The following CPT2 variants were observed in gnomAD, a reference collection of about 807,000 sequenced individuals.
CPT2 encodes carnitine palmitoyltransferase 2, also known as carnitine O-palmitoyltransferase 2, mitochondrial.
Under a neutral mutation model 48.6 loss-of-function variants are expected in CPT2, and 37 were observed. The ratio of observed to expected loss-of-function variants is 0.76; its 90% CI spans 0.59 to 1.00. The LOEUF (loss-of-function observed/expected upper bound fraction) is 1.00. Ranked by LOEUF, CPT2 falls within the 50% of genes least tolerant of loss-of-function variation. The pLI is 0.00. For missense variants in CPT2, 772 were observed against 825.6 expected, an observed-to-expected ratio of 0.94 and a Z score of 0.80; for synonymous variants, 319 against 326.9, an observed-to-expected ratio of 0.98 and a Z score of 0.26.
chr1:53,197,259 A>G lies in CPT2; in HGVS notation c.152+164A>G, dbSNP rs3766761. 3.2e-4 allele frequency: 275 copies of G among 857,082 alleles called. 1 individual carries two copies. The East Asian group carries it at 5.8e-3, about 18-fold the overall frequency. 53.1% of individuals were successfully genotyped at this position (857,082 alleles called of 1,614,324 possible). On this transcript the variant is annotated intron_variant, in intron 1 of 4. Transcript: ENST00000371486. ...TCTGGAAGTCTTGGGACTTTTCACAATCTCCTAGCACAGGAACCTCAGAAC... is the reference window on the plus strand; with the variant it reads ...TCTGGAAGTCTTGGGACTTTTCACAGTCTCCTAGCACAGGAACCTCAGAAC...
In CPT2 at chr1:53,213,312, C is replaced by T; in HGVS notation, c.1694C>T (p.Ala565Val). 1.2e-6 allele frequency: 2 copies of T among 1,614,212 alleles called. No individual in the cohort carries two copies. The highest frequency in any genetic ancestry group is 1.7e-6 in the Non-Finnish European group (2 of 1,180,044). The change falls in exon 5 of 5, where the codon GCC (alanine) becomes GTC (valine). Residue 565 changes from alanine (A) to valine (V), a missense_variant. Transcript: ENST00000371486. ...TTTGCTCTGCGGCATCTGGCAGCAG[C>T]CAAAGGGATCATCTTGCCTGAGCTC... ...HLFALRHLAA[A>V]KGIILPELYL...
intron 4 of CPT2, chr1:53,212,756 A>G (rs1045255399): frequency 4.9e-6 from 2 of 410,704 alleles, no homozygotes; most frequent in African/African-American, 2.1e-5. Context: ...AAGACATTCT[A>G]ATCTTCTCTT....
chr1:53,208,203 A>G (rs1453883927), intron 3 of CPT2: 1 of 152,232 alleles, frequency 6.6e-6, no homozygotes, highest in Non-Finnish European at 1.5e-5. Flanking sequence ...CTCCTTCACC[A>G]GAGTTTTTCA....
At chr1:53,212,779 A>G (rs916955193) in intron 4 of CPT2, 1 of 411,668 alleles carries the variant, frequency 2.4e-6, no homozygotes, top group Non-Finnish European at 4.3e-6. Flanking sequence ...TCCATTTTAT[A>G]GGGAGAAAAC....
rs1645414982 is a variant in CPT2 at position 53,210,381 on chromosome 1, C to T, written c.707C>T (p.Thr236Ile). 1.2e-6 allele frequency: 2 copies of T among 1,614,018 alleles called. No homozygotes were observed. Among genetic ancestry groups the T allele is most frequent in the Non-Finnish European group, 1.7e-6 (2 of 1,180,042 alleles). ...LPKPSRDELF[T>I]DDKARHLLVL... ...AAACCCAGTCGGGATGAACTCTTCA[C>T]TGATGACAAGGCCAGACACCTCCTG... Residue 236 changes from threonine (T) to isoleucine (I), a missense_variant, in exon 4 of 5, where the codon ACT (threonine) becomes ATT (isoleucine). By Grantham distance (89) the Thr-to-Ile change is moderately conservative. Coordinates refer to ENST00000371486, the MANE Select transcript of CPT2 (RefSeq NM_000098.3).
At chr1:53,212,745 C>CA in intron 4 of CPT2, 1 of 409,436 alleles carries the variant, frequency 2.4e-6, no homozygotes, top group Non-Finnish European at 4.3e-6. Context: ...AAGGGACCTC[C>CA]AAGACATTCT....
At chr1:53,200,577 T>A in intron 1 of CPT2, 142 bp from the exon 2 acceptor site, 1 of 736,798 alleles carries the variant, frequency 1.4e-6, no homozygotes, top group Non-Finnish European at 2.5e-6. Context: ...AGTAAACCCA[T>A]TGATTCTGAT....
At position 53,210,510 on chromosome 1, in the gene CPT2, A is replaced by ACAG; in HGVS notation, c.841_843dup (p.Ser281dup). 6.2e-7 allele frequency: 1 copy of ACAG among 1,614,092 alleles called. No homozygotes were observed. The highest frequency in any genetic ancestry group is 1.1e-5 in the South Asian group (1 of 91,084). ...GCACATCTGAAGTACATTCTCTCAG[A>ACAG]CAGCAGCCCCGCCCCCGAGTTTCCC... On this transcript the variant is annotated inframe_insertion, in exon 4 of 5. Coordinates refer to ENST00000371486, the MANE Select transcript of CPT2 (RefSeq NM_000098.3).
Position 53,213,748 on chromosome 1 carries a change from G to A in CPT2, c.*153G>A. 1.5e-6 allele frequency: 1 copy of A among 675,836 alleles called. No homozygotes were observed. Among genetic ancestry groups the A allele is most frequent in the South Asian group, 1.7e-5 (1 of 58,976 alleles). The allele number at this position is 675,836 out of a possible 1,614,324, so 41.9% of individuals were successfully genotyped here. On this transcript the variant is annotated 3_prime_UTR_variant, in exon 5 of 5. Transcript: ENST00000371486. ...GTTTGAGACCAACCTGGCCAACATG[G>A]TGAAACCTTGTCTCTACTAAAAATA...
Position 53,196,890 on chromosome 1 carries a change from A to G in CPT2, c.-54A>G. 6.5e-7 allele frequency: 1 copy of G among 1,527,564 alleles called. No homozygotes were observed. The highest frequency in any genetic ancestry group is 8.7e-7 in the Non-Finnish European group (1 of 1,143,794). The allele number at this position is 1,527,564 out of a possible 1,614,324, so 94.6% of individuals were successfully genotyped here. Reference sequence around the variant, plus strand: ...TAACGGCGGCGGCGGCCTTGTGTTTAGACTCCAGAACTCCCCACTTGCCGC... The same window carrying G: ...TAACGGCGGCGGCGGCCTTGTGTTTGGACTCCAGAACTCCCCACTTGCCGC... On this transcript the variant is annotated 5_prime_UTR_variant, in exon 1 of 5. Coordinates refer to ENST00000371486, the MANE Select transcript of CPT2 (RefSeq NM_000098.3).
chr1:53,212,240 T>C (rs550452711), intron 4 of CPT2, among the ~76,000 whole-genome samples: 3 of 152,024 alleles, frequency 2.0e-5, no homozygotes, highest in Admixed American at 1.3e-4. Flanking sequence ...AATTTTTATA[T>C]TTTCAATAGA....
At chr1:53,201,078 G>C in intron 2 of CPT2, 1 of 468,328 alleles carries the variant, frequency 2.1e-6, no homozygotes, top group Middle Eastern at 6.3e-4. Flanking sequence ...AGGCTCGCTG[G>C]TCCTGGTCAT....
In CPT2 at chr1:53,210,368, G is replaced by A. The variant is rs934539178; in HGVS notation, c.694G>A (p.Asp232Asn). ...AACTCGTTTACCCAAACCCAGTCGG[G>A]ATGAACTCTTCACTGATGACAAGGC... is the stretch of plus-strand genomic sequence containing the variant. ...NSTRLPKPSR[D>N]ELFTDDKARH... The change falls in exon 4 of 5, where the codon GAT becomes AAT. Residue 232 changes from aspartate to asparagine, a missense_variant. Physicochemically the swap from Asp to Asn is conservative, Grantham distance 23. Coordinates refer to ENST00000371486, the MANE Select transcript of CPT2 (RefSeq NM_000098.3). The A allele has an allele frequency of 6.2e-7, 1 of 1,613,942 alleles. No homozygotes were observed. Among genetic ancestry groups the A allele is most frequent in the Non-Finnish European group, 8.5e-7 (1 of 1,180,052 alleles).
rs2100254803 is a variant in CPT2, at chr1:53,197,003, C to T, written c.60C>T (p.Ala20=). ...WPRGPAVGPG[A]PSRPLSAGSG... is the part of the protein sequence containing the mutation. ...GGGGCCCCGCGGTTGGTCCGGGAGC[C>T]CCCAGTCGGCCCCTCAGCGCCGGCT... Residue 20 remains alanine, a synonymous_variant, in exon 1 of 5, where the codon GCC becomes GCT. Coordinates refer to ENST00000371486, the MANE Select transcript of CPT2 (RefSeq NM_000098.3). The T allele has an allele frequency of 1.3e-6, 2 of 1,532,884 alleles. No individual in the cohort carries two copies. The highest frequency in any genetic ancestry group is 2.5e-5 in the East Asian group (1 of 40,308). 95.0% of individuals were successfully genotyped at this position (1,532,884 alleles called of 1,614,324 possible).
chr1:53,211,297 G>C lies in CPT2; in HGVS notation c.1623G>C (p.Gln541His). 6.2e-7 allele frequency: 1 copy of C among 1,608,244 alleles called. No individual in the cohort carries two copies. Among genetic ancestry groups the C allele is most frequent in the Non-Finnish European group, 8.5e-7 (1 of 1,177,346 alleles). Residue 541 changes from glutamine to histidine, a missense_variant, in exon 4 of 5, where the codon CAG becomes CAC. Gln to His is a conservative substitution (Grantham distance 24). Coordinates refer to ENST00000371486, the MANE Select transcript of CPT2 (RefSeq NM_000098.3). ...MMVECSKYHG[Q>H]LTKEAAMGQG... Reference sequence around the variant, plus strand: ...TTGAGTGCTCCAAGTACCATGGCCAGCTGACCAAAGAAGCAGCAATGGGTG... The same window carrying C: ...TTGAGTGCTCCAAGTACCATGGCCACCTGACCAAAGAAGCAGCAATGGGTG...
chr1:53,206,474 T>A (rs1310619558), intron 3 of CPT2, among the ~76,000 whole-genome samples: 1 of 152,220 alleles, frequency 6.6e-6, no homozygotes, highest in Non-Finnish European at 1.5e-5. Flanking sequence ...AATGCCAGCC[T>A]GTAAAAGCAA....
chr1:53,210,512 A>G lies in CPT2; in HGVS notation c.838A>G (p.Ser280Gly). The G allele has an allele frequency of 6.2e-7, 1 of 1,614,146 alleles. No homozygotes were observed. Among genetic ancestry groups the G allele is most frequent in the Non-Finnish European group, 8.5e-7 (1 of 1,180,032 alleles). Residue 280 changes from serine to glycine, a missense_variant, in exon 4 of 5, where the codon AGC becomes GGC. Physicochemically the swap from Ser to Gly is moderately conservative, Grantham distance 56 (BLOSUM62 0). Transcript: ENST00000371486. The stretch of plus-strand genomic sequence containing the variant: ...ACATCTGAAGTACATTCTCTCAGAC[A>G]GCAGCCCCGCCCCCGAGTTTCCCCT... The part of the protein sequence containing the change: ...QAHLKYILSD[S>G]SPAPEFPLAY...
intron 3 of CPT2, chr1:53,208,840 A>T (rs1645403081): frequency 6.6e-6 from 1 of 152,236 alleles, no homozygotes; most frequent in Non-Finnish European, 1.5e-5. Context: ...GCAATGCTAT[A>T]CTACTTTACA....
At chr1:53,200,452 G>A in intron 1 of CPT2, 1 of 370,690 alleles carries the variant, frequency 2.7e-6, no homozygotes, top group Non-Finnish European at 5.1e-6. Context: ...GGCAGCTTCT[G>A]CTTCCCCATT....
Sources: allele counts gnomAD v4.1 joint callset (sites outside exome capture counted in the v4.1 genomes callset), GRCh38; gene constraint gnomAD v4.1.1; transcripts MANE v1.5; gene names NCBI Gene and HGNC (gene_info 2026-07-23, HGNC 2026-07-21).